FADS6: variants seen among roughly 807,000 people sequenced by gnomAD.
The protein encoded by FADS6 is fatty acid desaturase 6.
A neutral mutation model predicts 31.7 loss-of-function variants in FADS6; 28 were observed. The ratio of observed to expected loss-of-function variants is 0.88; its 90% CI spans 0.66 to 1.21. The LOEUF (loss-of-function observed/expected upper bound fraction) is 1.21, where lower values mean the gene tolerates loss of function less well. Among genes scored for constraint, FADS6 ranks in the 50% most tolerant of loss-of-function variants. The pLI, the probability that FADS6 is intolerant of heterozygous loss-of-function variation, is 0.00. For synonymous variants in FADS6, 191 were observed against 213.1 expected (o/e 0.90, Z 0.90); for missense variants, 494 against 504.2 (o/e 0.98, Z 0.19).
intron 2 of FADS6, among the ~76,000 whole-genome samples, chr17:74,884,127 C>T (rs1160613028): frequency 4.6e-5 from 7 of 152,108 alleles, no homozygotes; most frequent in African/African-American, 7.2e-5. Context: ...GCCGACTGTA[C>T]GGGACCCACT....
Position 74,893,380 on chromosome 17 carries a change from G to T in FADS6, c.216C>A (p.Leu72=), listed in dbSNP as rs1336077399. The stretch of plus-strand genomic sequence containing the variant: ...CCGGCAAGGCGAAGAGGCTGAGCGC[G>T]AGGATGGCGCAGTCCACGCCGTGGC... ...WERHGVDCAI[L]ALSLFALPAG... is the part of the protein sequence containing the mutation. Residue 72 remains leucine, a synonymous_variant, in exon 1 of 6, where the codon CTC becomes CTA. Coordinates refer to ENST00000612771, the MANE Select transcript of FADS6 (RefSeq NM_178128.6). 6.5e-7 allele frequency: 1 copy of T among 1,532,182 alleles called. No homozygotes were observed. Among genetic ancestry groups the T allele is most frequent in the East Asian group, 2.6e-5 (1 of 38,600 alleles). The allele number at this position is 1,532,182 out of a possible 1,614,324, so 94.9% of individuals were successfully genotyped here.
rs1430653886 is a variant in FADS6, at chr17:74,888,148, A to ACG, written c.411+4374_411+4375insCG. ...ACACCACACACACACACACACACACACACACACGCGCGCGCGCGCGCGCGC... is the reference window on the plus strand; with the variant it reads ...ACACCACACACACACACACACACACACGCACACACGCGCGCGCGCGCGCGCGC... On this transcript the variant is annotated intron_variant, in intron 2 of 5. Transcript: ENST00000612771. 4.1e-3 allele frequency among the ~76,000 whole-genome samples: 499 copies of ACG among 122,744 alleles called. 2 individuals are homozygous for ACG. The highest frequency in any genetic ancestry group is 0.018 in the African/African-American group (452 of 25,792). The allele number at this position is 122,744 out of a possible 152,430, so 80.5% of individuals were successfully genotyped here.
At chr17:74,890,934 C>T (rs562104721) in intron 2 of FADS6, among the ~76,000 whole-genome samples, 1 of 152,232 alleles carries the variant, frequency 6.6e-6, no homozygotes, top group African/African-American at 2.4e-5. Context: ...CCCGAGTCCT[C>T]TTCTCCAGCA....
intron 5 of FADS6, chr17:74,879,038 C>CT (rs35990330): frequency 0.17 from 21,977 of 129,598 alleles, 3,132 homozygotes; most frequent in African/African-American, 0.34. Context: ...CCCTCACCAC[C>CT]TTTTTTTTTT....
In FADS6 at chr17:74,893,341, G is replaced by T; in HGVS notation, c.244+11C>A. The T allele has an allele frequency of 1.3e-6, 2 of 1,510,578 alleles. No homozygotes were observed. The highest frequency in any genetic ancestry group is 1.8e-6 in the Non-Finnish European group (2 of 1,135,638). 93.6% of individuals were successfully genotyped at this position (1,510,578 alleles called of 1,614,324 possible). A position where few individuals can be genotyped will look rare whatever the true frequency, so the allele number is the denominator to read the frequency against. ...AGCCCGGCCGGGACGCCGGGTCCCC[G>T]CGTTCCTCACCTGCCGGCAAGGCGA... On this transcript the variant is annotated intron_variant, in intron 1 of 5. Coordinates refer to ENST00000612771, the MANE Select transcript of FADS6 (RefSeq NM_178128.6).
At chr17:74,876,179 C>T (rs2038506675), downstream of FADS6, among the ~76,000 whole-genome samples, 1 of 152,186 alleles carries the variant, frequency 6.6e-6, no homozygotes, top group Non-Finnish European at 1.5e-5. Flanking sequence ...GGCTCTCCAA[C>T]GGAACAAGGC....
chr17:74,882,462 G>T (rs1316670295), intron 3 of FADS6, 68 bp downstream of exon 3: 13 of 1,498,686 alleles, frequency 8.7e-6, no homozygotes, highest in African/African-American at 1.4e-5. Flanking sequence ...ATGAAGCCAC[G>T]CAGGGGAGGA....
chr17:74,883,878 G>A (rs1018268990), intron 2 of FADS6, among the ~76,000 whole-genome samples: 4 of 152,088 alleles, frequency 2.6e-5, no homozygotes, highest in African/African-American at 7.2e-5. Context: ...ATGTTGGCCA[G>A]GCTAGTCTCG....
At chr17:74,893,123 C>CG (rs1157439791) in intron 1 of FADS6, among the ~76,000 whole-genome samples, 15,457 of 152,064 alleles carry the variant, frequency 0.1, 1,307 homozygotes, top group African/African-American at 0.23. Context: ...TCCTGCGCCC[C>CG]CTCCTAGGGT....
intron 3 of FADS6, 22 bp downstream of exon 3, chr17:74,882,508 A>T (rs748014587): frequency 6.3e-7 from 1 of 1,596,786 alleles, no homozygotes. Context: ...GACACTGCGG[A>T]CCGGGCTCTC....
intron 3 of FADS6, 46 bp downstream of exon 3, chr17:74,882,483 AC>A: frequency 6.4e-7 from 1 of 1,551,892 alleles, no homozygotes; most frequent in South Asian, 1.2e-5. Flanking sequence ...GAGCAGGGGA[AC>A]TAGGTCCATG....
At chr17:74,888,166 G>GCA (rs1322131971) in intron 2 of FADS6, among the ~76,000 whole-genome samples, 13 of 149,476 alleles carry the variant, frequency 8.7e-5, no homozygotes, top group African/African-American at 2.7e-4. Flanking sequence ...GCGCGCGCGC[G>GCA]CGCGCGCAGA....
chr17:74,892,779 C>T, intron 1 of FADS6, 90 bp from the exon 2 acceptor site: 1 of 1,305,618 alleles, frequency 7.7e-7, no homozygotes, highest in Non-Finnish European at 1.0e-6. Flanking sequence ...GGAGCCCAGG[C>T]TAAAGTGGGC....
Position 74,878,173 on chromosome 17 carries a change from A to C in FADS6, c.*158T>G. ...AAAGCACGCAAGGCAGGTGGCCCCC[A>C]GACCCCAGGCCTGAGCTCCCCTGCC... On this transcript the variant is annotated 3_prime_UTR_variant, in exon 6 of 6. Coordinates refer to ENST00000612771, the MANE Select transcript of FADS6 (RefSeq NM_178128.6). 7.0e-7 allele frequency: 1 copy of C among 1,425,512 alleles called. No homozygotes were observed. 88.3% of individuals were successfully genotyped at this position (1,425,512 alleles called of 1,614,324 possible). A position where few individuals can be genotyped will look rare whatever the true frequency, so the allele number is the denominator to read the frequency against.
At chr17:74,879,667 G>C in intron 4 of FADS6, 84 bp from the exon 5 acceptor site, 4 of 1,417,576 alleles carry the variant, frequency 2.8e-6, no homozygotes, top group Admixed American at 2.3e-5. Flanking sequence ...GCTACCCAGA[G>C]GGTTCTTGTG....
intron 2 of FADS6, 193 bp from the exon 3 acceptor site, chr17:74,882,903 G>A (rs2038588107): frequency 2.1e-6 from 3 of 1,432,108 alleles, no homozygotes; most frequent in Non-Finnish European, 2.8e-6. Context: ...GTGGCAGCCA[G>A]TCAATACAAT....
In FADS6 at chr17:74,878,044, A is replaced by G; in HGVS notation, c.*287T>C. ...ACCAAGGCTCAGATGGAGCAGGGGGAAGGACCCAGCTCTTTAGTCCTGAGA... is the reference window on the plus strand; with the variant it reads ...ACCAAGGCTCAGATGGAGCAGGGGGGAGGACCCAGCTCTTTAGTCCTGAGA... On this transcript the variant is annotated 3_prime_UTR_variant, in exon 6 of 6. Transcript: ENST00000612771. 8.4e-6 allele frequency: 10 copies of G among 1,188,558 alleles called. No homozygotes were observed. Among genetic ancestry groups the G allele is most frequent in the Non-Finnish European group, 7.3e-6 (7 of 955,804 alleles). The allele number at this position is 1,188,558 out of a possible 1,614,324, so 73.6% of individuals were successfully genotyped here.
At chr17:74,882,450 C>G in intron 3 of FADS6, 80 bp downstream of exon 3, 1 of 1,463,174 alleles carries the variant, frequency 6.8e-7, no homozygotes, top group Admixed American at 2.1e-5. Flanking sequence ...TAAGCAGCCT[C>G]CATGAAGCCA....
Position 74,878,484 on chromosome 17 carries a change from G to A in FADS6, c.961-7C>T. ...GGGACACCACGGGCTTCACCTGGTG[G>A]AAGATGGGCAGGAGAGGGCCTATGA... On this transcript the variant is annotated splice_region_variant and splice_polypyrimidine_tract_variant and intron_variant, in intron 5 of 5. Transcript: ENST00000612771. The A allele has an allele frequency of 1.9e-6, 3 of 1,613,646 alleles. No homozygotes were observed. The highest frequency in any genetic ancestry group is 2.2e-5 in the South Asian group (2 of 91,048).
Sources: gnomAD v4.1 joint callset for allele counts (sites outside exome capture counted in the v4.1 genomes callset) on GRCh38, gnomAD v4.1.1 for gene constraint, MANE v1.5 for transcripts, NCBI Gene and HGNC (gene_info 2026-07-23, HGNC 2026-07-21) for gene names.